ADGRG5: variants seen among roughly 807,000 people sequenced by gnomAD.
The protein encoded by ADGRG5 is G protein-coupled receptor 114.
ADGRG5 carries 37 observed loss-of-function variants against 53.2 expected under a neutral mutation model. The ratio of observed to expected loss-of-function variants is 0.70; its 90% CI spans 0.53 to 0.91. ADGRG5 has a LOEUF of 0.91. Ranked by LOEUF, ADGRG5 falls within the 40% of genes least tolerant of loss-of-function variation. The probability of loss-of-function intolerance (pLI) is 0.00; values close to 1 mark genes in which losing one functional copy is unlikely to be tolerated. For synonymous variants in ADGRG5, 277 were observed against 290.4 expected (o/e 0.95, Z 0.47); for missense variants, 614 against 675.8 (o/e 0.91, Z 1.01).
At chr16:57,566,862 T>G in intron 7 of ADGRG5, 111 bp downstream of exon 7, 1 of 1,077,440 alleles carries the variant, frequency 9.3e-7, no homozygotes, top group Non-Finnish European at 1.2e-6. Context: ...GAAATGGGCT[T>G]AAGCAAAAAA....
At chr16:57,571,278 A>T (rs1404755899) in intron 10 of ADGRG5, among the ~76,000 whole-genome samples, 2 of 152,140 alleles carry the variant, frequency 1.3e-5, no homozygotes, top group East Asian at 3.9e-4. Context: ...TCACAAGGGC[A>T]AGGGCCGGGT....
Position 57,563,981 on chromosome 16 carries a change from T to C in ADGRG5, c.429+2T>C. On this transcript the variant is annotated splice_donor_variant, in intron 5 of 11. Transcript: ENST00000349457. LOFTEE classifies it high-confidence loss of function. ...TTCTCCAACACCCACTTTTTCAAGG[T>C]CAGTGTGATGGCGGGCCAAGGAGGG... 1 of 1,611,326 alleles carries C rather than the reference T, an allele frequency of 6.2e-7. No individual in the cohort carries two copies. Among genetic ancestry groups the C allele is most frequent in the Middle Eastern group, 1.7e-4 (1 of 6,056 alleles).
rs370454204 is a variant in ADGRG5 at position 57,567,989 on chromosome 16, G to C, written c.955G>C (p.Ala319Pro). The C allele has an allele frequency of 3.1e-6, 5 of 1,613,828 alleles. No homozygotes were observed. Among genetic ancestry groups the C allele is most frequent in the Non-Finnish European group, 4.2e-6 (5 of 1,179,962 alleles). ...CGGGTCAGCATGCACGGCTCTGGCC[G>C]CTGCCCTGCACTACGCGCTGCTCAG... ...VPGSACTALA[A>P]ALHYALLSCL... The change falls in exon 9 of 12, where the codon GCT becomes CCT. Residue 319 changes from alanine (A) to proline (P), a missense_variant. Transcript: ENST00000349457.
rs116766021 is a variant in ADGRG5, at chr16:57,561,227, T to C, written c.-38-829T>C. On this transcript the variant is annotated intron_variant, in intron 1 of 11. Coordinates refer to ENST00000349457, the MANE Select transcript of ADGRG5 (RefSeq NM_001304376.3). ...CCACTGCAGGCACTTGGGTTCAACT[T>C]TTTTTGGTCTGCTAAACGTCTTACC... Among the ~76,000 whole-genome samples the C allele has an allele frequency of 2.6e-3, 398 of 152,330 alleles. 2 individuals are homozygous for C. Among genetic ancestry groups the C allele is most frequent in the African/African-American group, 9.2e-3 (382 of 41,568 alleles).
At chr16:57,538,555 A>G (rs1341517052), upstream of ADGRG5, among the ~76,000 whole-genome samples, 4 of 152,182 alleles carry the variant, frequency 2.6e-5, no homozygotes, top group African/African-American at 9.6e-5. Flanking sequence ...ACCCTATGAG[A>G]TGTCAGATCC....
At chr16:57,535,935 T>G in the ADGRG5 span, among the ~76,000 whole-genome samples, 405 of 152,242 alleles carry the variant, frequency 2.7e-3, 1 homozygote, top group African/African-American at 9.4e-3. Flanking sequence ...GCCCCAGCCC[T>G]GCGTCGCCTT....
chr16:57,567,599 G>A lies in ADGRG5; in HGVS notation c.821+8G>A, dbSNP rs199933471. 9.9e-6 allele frequency: 16 copies of A among 1,608,616 alleles called. No homozygotes were observed. The highest frequency in any genetic ancestry group is 2.7e-5 in the African/African-American group (2 of 74,930). On this transcript the variant is annotated splice_region_variant and intron_variant, in intron 8 of 11. Transcript: ENST00000349457. ...GCTGCACTTCCATTTCAGGTATTCC[G>A]CTGCCACAGTGCTGGGCCTGCCCTG...
chr16:57,563,904 C>G lies in ADGRG5; in HGVS notation c.354C>G (p.Thr118=). ...QHAMQFPAEL[T]RDACKTRPRE... is the part of the protein sequence containing the mutation. Reference sequence around the variant, plus strand: ...CCATGCAGTTCCCCGCCGAGCTGACCCGGGACGCCTGCAAGACCCGCCCCA... The same window carrying G: ...CCATGCAGTTCCCCGCCGAGCTGACGCGGGACGCCTGCAAGACCCGCCCCA... The change falls in exon 5 of 12, where the codon ACC becomes ACG. Residue 118 remains threonine (T), a synonymous_variant. Transcript: ENST00000349457. 1.2e-6 allele frequency: 2 copies of G among 1,614,066 alleles called. No individual in the cohort carries two copies. Among genetic ancestry groups the G allele is most frequent in the South Asian group, 2.2e-5 (2 of 91,078 alleles).
the ADGRG5 span, among the ~76,000 whole-genome samples, chr16:57,536,272 C>T: frequency 6.6e-6 from 1 of 152,098 alleles, no homozygotes; most frequent in Non-Finnish European, 1.5e-5. Flanking sequence ...CATCACCCCG[C>T]GGCCCCTCCC....
At position 57,559,548 on chromosome 16, in the gene ADGRG5, C is replaced by A. The variant is rs115262836; in HGVS notation, c.-38-2508C>A. Among the ~76,000 whole-genome samples the A allele has an allele frequency of 9.4e-3, 1,435 of 152,294 alleles. 25 individuals are homozygous for A. The highest frequency in any genetic ancestry group is 0.033 in the African/African-American group (1,364 of 41,560). On this transcript the variant is annotated intron_variant, in intron 1 of 11. Transcript: ENST00000349457. Reference sequence around the variant, plus strand: ...GGCTCCCAGTAAACTGCCACTCTAGCTAATGCTCAGCCATTAAGATTTCAT... The same window carrying A: ...GGCTCCCAGTAAACTGCCACTCTAGATAATGCTCAGCCATTAAGATTTCAT...
chr16:57,573,752 C>T (rs748596740), intron 10 of ADGRG5, among the ~76,000 whole-genome samples: 17 of 152,136 alleles, frequency 1.1e-4, no homozygotes, highest in African/African-American at 2.9e-4. Flanking sequence ...GATGGAATCT[C>T]GCTCTGTCAC....
intron 1 of ADGRG5, 102 bp from the exon 2 acceptor site, chr16:57,561,954 G>A: frequency 1.8e-6 from 1 of 570,734 alleles, no homozygotes; most frequent in East Asian, 3.0e-5. Context: ...GGAGTGGTGA[G>A]TCAAATAAGA....
chr16:57,566,814 C>A, intron 7 of ADGRG5, 63 bp downstream of exon 7: 2 of 1,335,722 alleles, frequency 1.5e-6, no homozygotes, highest in Non-Finnish European at 9.7e-7. Flanking sequence ...GGCAGAGGAG[C>A]AAGGCAAAAG....
the ADGRG5 span, among the ~76,000 whole-genome samples, chr16:57,536,028 G>C: frequency 2.6e-5 from 4 of 152,212 alleles, no homozygotes; most frequent in African/African-American, 9.6e-5. Flanking sequence ...AGGGTGGAGG[G>C]GGTTCCCGGC....
chr16:57,538,734 G>T (rs147001874), upstream of ADGRG5, among the ~76,000 whole-genome samples: 2,055 of 152,286 alleles, frequency 0.013, 17 homozygotes, highest in Non-Finnish European at 0.022. Context: ...TTTGAGGCGT[G>T]TGTCAATATT....
the ADGRG5 span, among the ~76,000 whole-genome samples, chr16:57,535,562 G>A: frequency 6.6e-6 from 1 of 152,084 alleles, no homozygotes; most frequent in Non-Finnish European, 1.5e-5. Context: ...GGGTCTGCAG[G>A]CACCAGGCCA....
At chr16:57,544,103 C>A (rs774744571) in intron 1 of ADGRG5, among the ~76,000 whole-genome samples, 1 of 152,140 alleles carries the variant, frequency 6.6e-6, no homozygotes, top group Admixed American at 6.5e-5. Context: ...CAAAGCAACT[C>A]AGCTGCCCAA....
intron 1 of ADGRG5, among the ~76,000 whole-genome samples, chr16:57,547,140 T>G (rs1417585088): frequency 6.6e-6 from 1 of 152,228 alleles, no homozygotes; most frequent in African/African-American, 2.4e-5. Context: ...TGATAGTCAT[T>G]TGGAGCATTT....
At chr16:57,550,285 A>G (rs1352097975) in intron 1 of ADGRG5, among the ~76,000 whole-genome samples, 1 of 152,112 alleles carries the variant, frequency 6.6e-6, no homozygotes, top group Non-Finnish European at 1.5e-5. Flanking sequence ...GCCCATCTAT[A>G]TACATCTTCA....
Sources: gnomAD v4.1 joint callset for allele counts (sites outside exome capture counted in the v4.1 genomes callset) on GRCh38, gnomAD v4.1.1 for gene constraint, MANE v1.5 for transcripts, NCBI Gene and HGNC (gene_info 2026-07-23, HGNC 2026-07-21) for gene names.